MCM8: variants seen among roughly 807,000 people sequenced by gnomAD.
The protein encoded by MCM8 is DNA helicase MCM8.
A neutral mutation model predicts 98.9 loss-of-function variants in MCM8; 85 were observed. That is an observed-to-expected ratio of 0.86 (90% CI 0.72 to 1.03). The LOEUF is 1.03. Ranked by LOEUF, MCM8 falls within the 50% of genes least tolerant of loss-of-function variation. The pLI is 0.00. For synonymous variants in MCM8, 352 were observed against 338.6 expected (o/e 1.04, Z -0.44); for missense variants, 951 against 997.8 (o/e 0.95, Z 0.63).
At chr20:5,973,336 A>G (rs147685235) in intron 12 of MCM8, 140 bp downstream of exon 12, 9 of 1,034,046 alleles carry the variant, frequency 8.7e-6, no homozygotes, top group Middle Eastern at 2.4e-4. Flanking sequence ...AATTTGTGTG[A>G]GTAATATGTA....
intron 3 of MCM8, 106 bp downstream of exon 3, chr20:5,952,634 C>A: frequency 1.1e-6 from 1 of 898,624 alleles, no homozygotes; most frequent in Non-Finnish European, 1.7e-6. Context: ...CATATACCTG[C>A]TTTAATCTTA....
chr20:5,991,344 A>G (rs1332541485), intron 17 of MCM8: 1 of 152,198 alleles, frequency 6.6e-6, no homozygotes, highest in African/African-American at 2.4e-5. Flanking sequence ...CAGTGTTTGC[A>G]TGTGCTTTCC....
intron 12 of MCM8, among the ~76,000 whole-genome samples, chr20:5,976,343 C>T (rs1010232811): frequency 2.6e-5 from 4 of 152,154 alleles, no homozygotes; most frequent in African/African-American, 7.2e-5. Flanking sequence ...TGTAACCATG[C>T]GAGTTATAGA....
intron 8 of MCM8, among the ~76,000 whole-genome samples, chr20:5,965,716 C>A (rs2089261770): frequency 6.6e-6 from 1 of 152,184 alleles, no homozygotes; most frequent in African/African-American, 2.4e-5. Context: ...CATATTTGGA[C>A]TGTAACTTTG....
In MCM8 at chr20:5,996,610, A is replaced by G. The variant is rs1015784186; in HGVS notation, c.*2219A>G. On this transcript the variant is annotated 3_prime_UTR_variant, in exon 19 of 19. Coordinates refer to ENST00000610722, the MANE Select transcript of MCM8 (RefSeq NM_032485.6). ...TCAACACATAAATAATATCAACCAA[A>G]ATAAAGTGGTAGACAGAAGAGAAAA... The G allele has an allele frequency of 6.6e-6, 1 of 152,194 alleles. No individual in the cohort carries two copies. Among genetic ancestry groups the G allele is most frequent in the African/African-American group, 2.4e-5 (1 of 41,438 alleles). The allele number at this position is 152,194 out of a possible 1,614,324, so 9.4% of individuals were successfully genotyped here.
intron 12 of MCM8, 136 bp downstream of exon 12, chr20:5,973,332 TGTGA>T: frequency 3.7e-6 from 4 of 1,090,418 alleles, no homozygotes; most frequent in South Asian, 3.1e-5. Context: ...TTGGAATTTG[TGTGA>T]GTAATATGTA....
At chr20:5,957,022 A>G (rs2089001823) in intron 5 of MCM8, 104 bp from the exon 6 acceptor site, 2 of 575,168 alleles carry the variant, frequency 3.5e-6, no homozygotes, top group Non-Finnish European at 5.7e-6. Context: ...TTCTGTTTTT[A>G]TTCTGTTTCT....
chr20:5,954,627 TTTGA>T lies in MCM8; in HGVS notation c.278_281del (p.Ile93ArgfsTer22), dbSNP rs777947820. 2.8e-5 allele frequency: 45 copies of T among 1,608,850 alleles called. No homozygotes were observed. The highest frequency in any genetic ancestry group is 9.9e-5 in the South Asian group (9 of 90,876). On this transcript the variant is annotated frameshift_variant, in exon 4 of 19. Coordinates refer to ENST00000610722, the MANE Select transcript of MCM8 (RefSeq NM_032485.6). LOFTEE classifies it high-confidence loss of function. ...GATTAGTTTACAGCGATAGCTCTCC[TTTGA>T]TTGAGAAGATTCAAGCATTTGAAAA...
At chr20:5,982,173 A>G (rs947223787) in intron 13 of MCM8, among the ~76,000 whole-genome samples, 7 of 152,172 alleles carry the variant, frequency 4.6e-5, no homozygotes, top group Admixed American at 3.3e-4. Flanking sequence ...ACTCTCTAAC[A>G]TTAGTTTACA....
chr20:5,952,975 C>T (rs1196636356), intron 3 of MCM8, among the ~76,000 whole-genome samples: 1 of 152,198 alleles, frequency 6.6e-6, no homozygotes, highest in Non-Finnish European at 1.5e-5. Flanking sequence ...GCTTGGACTT[C>T]TGAAGGCTAC....
chr20:5,993,497 C>T lies in MCM8; in HGVS notation c.2241-9C>T, dbSNP rs994310635. On this transcript the variant is annotated splice_polypyrimidine_tract_variant and intron_variant, in intron 17 of 18. Coordinates refer to ENST00000610722, the MANE Select transcript of MCM8 (RefSeq NM_032485.6). ...ACATTGGGTAATTTTTTCTTCCTTT[C>T]TTTTTAAGCATGCTAGGAACTTACT... 5 of 1,508,436 alleles carry T rather than the reference C, an allele frequency of 3.3e-6. No homozygotes were observed. Among genetic ancestry groups the T allele is most frequent in the Middle Eastern group, 1.8e-4 (1 of 5,588 alleles). 93.4% of individuals were successfully genotyped at this position (1,508,436 alleles called of 1,614,324 possible).
chr20:5,975,160 G>A (rs538148003), intron 12 of MCM8, among the ~76,000 whole-genome samples: 5 of 152,226 alleles, frequency 3.3e-5, no homozygotes, highest in African/African-American at 1.2e-4. Context: ...TCCGGAGGCT[G>A]CAGCAGGATG....
chr20:5,996,383 G>GT lies in MCM8; in HGVS notation c.*1993dup, dbSNP rs1491537646. The GT allele has an allele frequency of 6.6e-6, 1 of 152,048 alleles. No homozygotes were observed. Among genetic ancestry groups the GT allele is most frequent in the Non-Finnish European group, 1.5e-5 (1 of 68,044 alleles). 9.4% of individuals were successfully genotyped at this position (152,048 alleles called of 1,614,324 possible). On this transcript the variant is annotated 3_prime_UTR_variant, in exon 19 of 19. Transcript: ENST00000610722. ...TAAAGCAAATAACTCAGGCATGGTG[G>GT]TGTGTGCCTGTAGTCCCAGCCACTA...
At position 5,986,174 on chromosome 20, in the gene MCM8, G is replaced by A. The variant is rs368102963; in HGVS notation, c.2163+43G>A. 3.2e-6 allele frequency: 5 copies of A among 1,573,376 alleles called. No homozygotes were observed. In the African/African-American group the frequency reaches 6.8e-5, roughly 21 times the overall value. On this transcript the variant is annotated intron_variant, in intron 16 of 18. Transcript: ENST00000610722. ...GTCATGCTTTTTTTGGCTTAAAGGG[G>A]AAGGGTGTGCCTTGACTTCTCTTTT...
chr20:5,991,921 T>G (rs774014273), intron 17 of MCM8, among the ~76,000 whole-genome samples: 6 of 152,232 alleles, frequency 3.9e-5, no homozygotes, highest in Non-Finnish European at 8.8e-5. Flanking sequence ...TTTTAAACCT[T>G]TTAAGATTAC....
At chr20:5,970,721 G>A (rs1426591600) in intron 10 of MCM8, among the ~76,000 whole-genome samples, 1 of 152,152 alleles carries the variant, frequency 6.6e-6, no homozygotes, top group East Asian at 1.9e-4. Flanking sequence ...AAAGACTCAT[G>A]TTTTACTCCT....
At chr20:5,990,059 C>G (rs1170130725) in intron 17 of MCM8, among the ~76,000 whole-genome samples, 1 of 151,730 alleles carries the variant, frequency 6.6e-6, no homozygotes, top group Non-Finnish European at 1.5e-5. Context: ...GGTATGGCAT[C>G]ACACAGTGCT....
At chr20:5,958,944 G>A (rs570782965) in intron 7 of MCM8, among the ~76,000 whole-genome samples, 21 of 152,022 alleles carry the variant, frequency 1.4e-4, no homozygotes, top group African/African-American at 4.8e-4. Context: ...TTTCAGCTCC[G>A]GACACATTTT....
chr20:5,964,154 T>G (rs2122704056), intron 8 of MCM8, among the ~76,000 whole-genome samples: 1 of 152,068 alleles, frequency 6.6e-6, no homozygotes, highest in East Asian at 1.9e-4. Flanking sequence ...AGAGTTTTCT[T>G]TGTGTATGTG....
Sources: gnomAD v4.1 joint callset for allele counts (sites outside exome capture counted in the v4.1 genomes callset) on GRCh38, gnomAD v4.1.1 for gene constraint, MANE v1.5 for transcripts, NCBI Gene and HGNC (gene_info 2026-07-23, HGNC 2026-07-21) for gene names.